Variants in TRANK1 observed in about 807,000 individuals in gnomAD.
TRANK1 encodes TPR and ankyrin repeat-containing protein 1.
Under a neutral mutation model 266.0 loss-of-function variants are expected in TRANK1, and 198 were observed. That is an observed-to-expected ratio of 0.74 (90% CI 0.66 to 0.84). TRANK1 has a LOEUF of 0.84. Ranked by LOEUF, TRANK1 falls within the 40% of genes least tolerant of loss-of-function variation. The probability of loss-of-function intolerance (pLI) is 0.00; values close to 1 mark genes in which losing one functional copy is unlikely to be tolerated. For missense variants in TRANK1, 3,326 were observed against 3,634.6 expected, an observed-to-expected ratio of 0.92 and a Z score of 2.18; for synonymous variants, 1,396 against 1,384.1, an observed-to-expected ratio of 1.01 and a Z score of -0.19.
intron 17 of TRANK1, among the ~76,000 whole-genome samples, chr3:36,842,931 C>T (rs1309760307): frequency 1.3e-5 from 2 of 152,166 alleles, no homozygotes; most frequent in African/African-American, 2.4e-5. Context: ...CATCCAATCT[C>T]ACTGGTGTCC....
intron 1 of TRANK1, among the ~76,000 whole-genome samples, chr3:36,917,784 A>C (rs1277627373): frequency 2.6e-5 from 4 of 152,172 alleles, no homozygotes; most frequent in Non-Finnish European, 5.9e-5. Flanking sequence ...GATATTGGGG[A>C]GTAAAAATGT....
chr3:36,856,478 T>C lies in TRANK1; in HGVS notation c.3244A>G (p.Lys1082Glu), dbSNP rs773788229. Reference protein sequence around the residue: ...IILIGRSGTGKTTCCLYRLWK... With the variant: ...IILIGRSGTGETTCCLYRLWK... ...AATCTGTACAAGCAGCAGGTTGTCT[T>C]CCCAGTGCCACTTCGCCCAATAAGG... Residue 1082 changes from lysine (K) to glutamate (E), a missense_variant, in exon 13 of 24, where the codon AAG becomes GAG. Lys to Glu is a moderately conservative substitution (Grantham distance 56, BLOSUM62 1). Transcript: ENST00000645898. 6.2e-7 allele frequency: 1 copy of C among 1,613,982 alleles called. No individual in the cohort carries two copies. The highest frequency in any genetic ancestry group is 1.1e-5 in the South Asian group (1 of 91,078).
chr3:36,846,237 C>T lies in TRANK1; in HGVS notation c.5191+11G>A, dbSNP rs1378441220. ...CCTCCATCAGTTAAGAGTATTTTAA[C>T]AGGATCTTACCTTTATTTTCATCTG... On this transcript the variant is annotated intron_variant, in intron 17 of 23. Transcript: ENST00000645898. 5 of 1,567,464 alleles carry T rather than the reference C, an allele frequency of 3.2e-6. No homozygotes were observed. Among genetic ancestry groups the T allele is most frequent in the Non-Finnish European group, 3.5e-6 (4 of 1,154,640 alleles).
At chr3:36,912,993 G>A (rs2080073353) in intron 1 of TRANK1, among the ~76,000 whole-genome samples, 1 of 151,796 alleles carries the variant, frequency 6.6e-6, no homozygotes, top group Non-Finnish European at 1.5e-5. Context: ...GGCAGTAGCA[G>A]TAGATCCAAG....
At chr3:36,912,569 G>A (rs902485557) in intron 1 of TRANK1, among the ~76,000 whole-genome samples, 2 of 152,316 alleles carry the variant, frequency 1.3e-5, no homozygotes, top group African/African-American at 2.4e-5. Context: ...TCTAGTTGTT[G>A]GAAGCTGTCA....
At chr3:36,886,025 G>A (rs372453371) in intron 8 of TRANK1, among the ~76,000 whole-genome samples, 1 of 151,962 alleles carries the variant, frequency 6.6e-6, no homozygotes, top group Admixed American at 6.6e-5. Context: ...AGAAGAAGGA[G>A]CCTGTGAGAG....
intron 3 of TRANK1, among the ~76,000 whole-genome samples, chr3:36,902,878 T>C (rs2079904404): frequency 6.6e-6 from 1 of 152,236 alleles, no homozygotes; most frequent in African/African-American, 2.4e-5. Context: ...CAAAGTGCAT[T>C]TCAACACTAG....
At chr3:36,859,755 A>G (rs1377704673) in intron 11 of TRANK1, among the ~76,000 whole-genome samples, 1 of 152,202 alleles carries the variant, frequency 6.6e-6, no homozygotes, top group South Asian at 2.1e-4. Context: ...GATGTGCTCT[A>G]TAAGTGCTTG....
intron 1 of TRANK1, among the ~76,000 whole-genome samples, chr3:36,918,561 AGGT>A (rs1225994397): frequency 2.2e-5 from 1 of 45,882 alleles, no homozygotes; most frequent in African/African-American, 8.3e-5. Context: ...GAAGGAAGGA[AGGT>A]AGGAAGGAAG....
At chr3:36,913,963 C>T (rs1401148762) in intron 1 of TRANK1, among the ~76,000 whole-genome samples, 1 of 152,186 alleles carries the variant, frequency 6.6e-6, no homozygotes, top group African/African-American at 2.4e-5. Flanking sequence ...TTACACCCAA[C>T]TACATGCACA....
intron 1 of TRANK1, among the ~76,000 whole-genome samples, chr3:36,914,948 C>CTTTTTTG (rs1306374762): frequency 1.3e-5 from 2 of 148,436 alleles, no homozygotes; most frequent in African/African-American, 5.0e-5. Flanking sequence ...TATTTTATTT[C>CTTTTTTG]TTTTTTGTTT....
intron 8 of TRANK1, among the ~76,000 whole-genome samples, chr3:36,875,340 C>T (rs1162056597): frequency 1.3e-5 from 2 of 152,216 alleles, no homozygotes; most frequent in African/African-American, 4.8e-5. Flanking sequence ...TTTGAAGATA[C>T]AAGAGGCAGG....
At chr3:36,851,365 C>A (rs1055450938) in intron 15 of TRANK1, 18 of 1,024,320 alleles carry the variant, frequency 1.8e-5, no homozygotes, top group South Asian at 4.4e-5. Context: ...ACATTGCTAA[C>A]CTTGGCTTCA....
At chr3:36,830,821 C>T in intron 22 of TRANK1, 52 bp downstream of exon 22, 2 of 1,517,026 alleles carry the variant, frequency 1.3e-6, no homozygotes, top group East Asian at 2.3e-5. Flanking sequence ...GAGAAATGTC[C>T]TCAGAGCCCA....
Position 36,832,000 on chromosome 3 carries a change from T to C in TRANK1, c.7583A>G (p.Tyr2528Cys). ...ATAGCCACATAGCACCTTGGCGAGG[T>C]AGGAGAGATGGAACCGGAAATCCTG... ...AIQDFRFHLS[Y>C]LAKVLCGYEN... Residue 2528 changes from tyrosine (Y) to cysteine (C), a missense_variant, in exon 22 of 24, where the codon TAC becomes TGC. Coordinates refer to ENST00000645898, the MANE Select transcript of TRANK1 (RefSeq NM_001329998.2). This position sits in a 1 kb window ranked among gnomAD's most constrained non-coding sequence, Gnocchi z 5.0. The C allele has an allele frequency of 6.2e-7, 1 of 1,613,890 alleles. No individual in the cohort carries two copies. Among genetic ancestry groups the C allele is most frequent in the Non-Finnish European group, 8.5e-7 (1 of 1,179,868 alleles).
At chr3:36,852,730 TC>T (rs1371917702) in intron 13 of TRANK1, among the ~76,000 whole-genome samples, 1 of 135,516 alleles carries the variant, frequency 7.4e-6, no homozygotes, top group Non-Finnish European at 1.5e-5. Flanking sequence ...AGATCACACC[TC>T]AGCACACTCC....
intron 11 of TRANK1, 44 bp from the exon 12 acceptor site, chr3:36,858,938 C>T (rs1193193895): frequency 2.0e-6 from 3 of 1,475,656 alleles, no homozygotes; most frequent in Non-Finnish European, 2.7e-6. Flanking sequence ...CAGGCACAGC[C>T]TGGCTCGCCT....
intron 4 of TRANK1, among the ~76,000 whole-genome samples, chr3:36,896,352 G>A (rs552197063): frequency 6.6e-6 from 1 of 152,302 alleles, no homozygotes; most frequent in African/African-American, 2.4e-5. Context: ...GAATGTCCAA[G>A]GGGACAGGTC....
At chr3:36,903,335 G>T in intron 2 of TRANK1, 60 bp from the exon 3 acceptor site, 3 of 1,506,648 alleles carry the variant, frequency 2.0e-6, no homozygotes, top group Non-Finnish European at 2.7e-6. Flanking sequence ...AGTCTGTGAA[G>T]TCCCCCCATT....
Sources: allele counts gnomAD v4.1 joint callset (sites outside exome capture counted in the v4.1 genomes callset), GRCh38; gene constraint gnomAD v4.1.1; non-coding constraint Gnocchi (gnomAD v3.1); transcripts MANE v1.5; gene names NCBI Gene and HGNC (gene_info 2026-07-23, HGNC 2026-07-21).